LOXL2: variants seen among roughly 807,000 people sequenced by gnomAD.
The protein encoded by LOXL2 is lysyl oxidase like 2.
LOXL2 carries 70 observed loss-of-function variants against 93.0 expected under a neutral mutation model. The ratio of observed to expected loss-of-function variants is 0.75; its 90% CI spans 0.62 to 0.92. The LOEUF (loss-of-function observed/expected upper bound fraction) is 0.92, where lower values mean the gene tolerates loss of function less well. Ranked by LOEUF, LOXL2 falls within the 40% of genes least tolerant of loss-of-function variation. The pLI is 0.00. For missense variants in LOXL2, 973 were observed against 1,054.9 expected, an observed-to-expected ratio of 0.92 and a Z score of 1.08; for synonymous variants, 438 against 413.2, an observed-to-expected ratio of 1.06 and a Z score of -0.73.
chr8:23,304,471 G>T (rs190526455), intron 10 of LOXL2, among the ~76,000 whole-genome samples: 2 of 152,190 alleles, frequency 1.3e-5, no homozygotes, highest in Non-Finnish European at 2.9e-5. Flanking sequence ...TATTCTATAT[G>T]CTTGTCTCTG....
chr8:23,320,320 T>G (rs10095102), intron 7 of LOXL2, among the ~76,000 whole-genome samples: 1 of 152,116 alleles, frequency 6.6e-6, no homozygotes, highest in South Asian at 2.1e-4. Context: ...CTGCTCCCCA[T>G]GAGCCTATCA....
intron 1 of LOXL2, among the ~76,000 whole-genome samples, chr8:23,375,133 C>G (rs368203671): frequency 0.16 from 23,537 of 151,232 alleles, 2,875 homozygotes; most frequent in African/African-American, 0.34. Flanking sequence ...TAAGGTGTAA[C>G]GAAGGGATCC....
At chr8:23,340,379 C>G (rs1322822533) in intron 4 of LOXL2, among the ~76,000 whole-genome samples, 1 of 152,096 alleles carries the variant, frequency 6.6e-6, no homozygotes, top group Non-Finnish European at 1.5e-5. Flanking sequence ...TGCTGGAATC[C>G]TTCCACTGGA....
rs1235436328 is a variant in LOXL2 at position 23,331,067 on chromosome 8, C to G, written c.966+2334G>C. Reference sequence around the variant, plus strand: ...CTCAGTCTTTTGTTCAAATCTCCACCAAGCCTGGGATGGGGGCACCCAGTG... The same window carrying G: ...CTCAGTCTTTTGTTCAAATCTCCACGAAGCCTGGGATGGGGGCACCCAGTG... On this transcript the variant is annotated intron_variant, in intron 5 of 13. Transcript: ENST00000389131. 2.6e-5 allele frequency among the ~76,000 whole-genome samples: 4 copies of G among 152,238 alleles called. No homozygotes were observed. In the East Asian group the frequency reaches 7.7e-4, roughly 29 times the overall value.
chr8:23,351,279 A>T (rs7010657), intron 3 of LOXL2, among the ~76,000 whole-genome samples: 1 of 151,964 alleles, frequency 6.6e-6, no homozygotes, highest in Non-Finnish European at 1.5e-5. Context: ...GGCTCATTGC[A>T]GAACCAGGCT....
At chr8:23,398,881 A>G (rs1428137211) in intron 1 of LOXL2, among the ~76,000 whole-genome samples, 1 of 151,752 alleles carries the variant, frequency 6.6e-6, no homozygotes, top group Non-Finnish European at 1.5e-5. Context: ...GCGCCTAGAG[A>G]CGTCCCTGAC....
At chr8:23,319,346 G>A (rs1012712938) in intron 8 of LOXL2, among the ~76,000 whole-genome samples, 2 of 152,226 alleles carry the variant, frequency 1.3e-5, no homozygotes, top group African/African-American at 4.8e-5. Context: ...CTTTGGAGAG[G>A]GGGCAGTGGG....
intron 1 of LOXL2, among the ~76,000 whole-genome samples, chr8:23,399,130 C>G (rs550737749): frequency 6.6e-6 from 1 of 152,332 alleles, no homozygotes; most frequent in Non-Finnish European, 1.5e-5. Flanking sequence ...CTGCTATTCC[C>G]GCCTTGTCTG....
Position 23,368,404 on chromosome 8 carries a change from A to G in LOXL2, c.-53T>C. The G allele has an allele frequency of 6.7e-7, 1 of 1,498,082 alleles. No homozygotes were observed. Among genetic ancestry groups the G allele is most frequent in the Non-Finnish European group, 9.2e-7 (1 of 1,085,752 alleles). The allele number at this position is 1,498,082 out of a possible 1,614,324, so 92.8% of individuals were successfully genotyped here. ...AAGGGGCCCTGCGCAGCTGGGAGGGACAGGCGGGGTACAGAAGCAGCAGGA... is the reference window on the plus strand; with the variant it reads ...AAGGGGCCCTGCGCAGCTGGGAGGGGCAGGCGGGGTACAGAAGCAGCAGGA... On this transcript the variant is annotated 5_prime_UTR_variant, in exon 2 of 14. Transcript: ENST00000389131.
At chr8:23,392,729 T>C (rs1468541558) in intron 1 of LOXL2, among the ~76,000 whole-genome samples, 1 of 152,154 alleles carries the variant, frequency 6.6e-6, no homozygotes, top group Non-Finnish European at 1.5e-5. Flanking sequence ...CCCTTGGACT[T>C]GCCATTTCCT....
intron 11 of LOXL2, among the ~76,000 whole-genome samples, chr8:23,302,774 G>A (rs948586636): frequency 2.0e-5 from 3 of 152,206 alleles, no homozygotes; most frequent in Admixed American, 1.3e-4. Context: ...AGGGCTGCAG[G>A]TGCACTAACA....
chr8:23,346,159 AAAAT>A (rs1563197453), intron 3 of LOXL2, among the ~76,000 whole-genome samples: 6 of 92,706 alleles, frequency 6.5e-5, no homozygotes, highest in Non-Finnish European at 1.5e-4. Flanking sequence ...AATAAAATAA[AAAAT>A]AAAATAAAAT....
At position 23,319,927 on chromosome 8, in the gene LOXL2, G is replaced by C. The variant is rs758962811; in HGVS notation, c.1428C>G (p.Val476=). The C allele has an allele frequency of 1.2e-6, 2 of 1,613,996 alleles. No individual in the cohort carries two copies. Among genetic ancestry groups the C allele is most frequent in the South Asian group, 2.2e-5 (2 of 91,082 alleles). Residue 476 remains valine, a synonymous_variant, in exon 8 of 14, where the codon GTC becomes GTG. Coordinates refer to ENST00000389131, the MANE Select transcript of LOXL2 (RefSeq NM_002318.3). The part of the protein sequence containing the change: ...QNWGIVEAMV[V]CRQLGLGFAS... ...CGAATCCCAGGCCCAGCTGGCGGCA[G>C]ACCACCATGGCCTCCACGATGCCCC... is the stretch of plus-strand genomic sequence containing the variant.
intron 5 of LOXL2, among the ~76,000 whole-genome samples, chr8:23,329,770 G>A (rs1803642502): frequency 6.6e-6 from 1 of 152,214 alleles, no homozygotes; most frequent in Admixed American, 6.5e-5. Context: ...CCCTACCACT[G>A]ATGGCCACGG....
chr8:23,374,529 T>A lies in LOXL2; in HGVS notation c.-83-6095A>T, dbSNP rs561876933. 7.8e-3 allele frequency among the ~76,000 whole-genome samples: 1,195 copies of A among 152,308 alleles called. 19 individuals carry two copies. The highest frequency in any genetic ancestry group is 0.027 in the African/African-American group (1,140 of 41,582). On this transcript the variant is annotated intron_variant, in intron 1 of 13. Transcript: ENST00000389131. ...AGATCCTTGAGGAATCGCCACACTGTCTTCCACAATGGTTGAACTAGTTTA... is the reference window on the plus strand; with the variant it reads ...AGATCCTTGAGGAATCGCCACACTGACTTCCACAATGGTTGAACTAGTTTA...
intron 3 of LOXL2, among the ~76,000 whole-genome samples, chr8:23,359,820 CCT>C (rs1804258994): frequency 6.6e-6 from 1 of 152,214 alleles, no homozygotes; most frequent in Admixed American, 6.5e-5. Flanking sequence ...ATGCACTCTC[CCT>C]GAGATCACGC....
At position 23,368,051 on chromosome 8, in the gene LOXL2, C is replaced by T. The variant is rs1312690787; in HGVS notation, c.301G>A (p.Gly101Ser). ...GTCCAGGACTTGGCCTCCACGTAGC[C>T]CAGCTCCCGGCAGACGACGTGGGCA... Reference protein sequence around the residue: ...HAAHVVCRELGYVEAKSWTAS... With the variant: ...HAAHVVCRELSYVEAKSWTAS... Residue 101 changes from glycine to serine, a missense_variant, in exon 2 of 14, where the codon GGC becomes AGC. Transcript: ENST00000389131. 1.2e-6 allele frequency: 2 copies of T among 1,614,006 alleles called. No individual in the cohort carries two copies. Among genetic ancestry groups the T allele is most frequent in the Admixed American group, 3.3e-5 (2 of 60,034 alleles).
chr8:23,385,412 A>ACTT (rs1334800140), intron 1 of LOXL2, among the ~76,000 whole-genome samples: 3 of 76,530 alleles, frequency 3.9e-5, no homozygotes, highest in African/African-American at 1.6e-4. Flanking sequence ...ACACCCAGCT[A>ACTT]ATTTTTTTTT....
chr8:23,353,706 A>C (rs1804134901), intron 3 of LOXL2, among the ~76,000 whole-genome samples: 1 of 152,246 alleles, frequency 6.6e-6, no homozygotes, highest in South Asian at 2.1e-4. Context: ...CAGCACTTCG[A>C]AGTCTGCAAA....
Sources: gnomAD v4.1 joint callset for allele counts (sites outside exome capture counted in the v4.1 genomes callset) on GRCh38, gnomAD v4.1.1 for gene constraint, MANE v1.5 for transcripts, NCBI Gene and HGNC (gene_info 2026-07-23, HGNC 2026-07-21) for gene names.